The following TNNI3K variants were observed in gnomAD, a reference collection of about 807,000 sequenced individuals.
The protein encoded by TNNI3K is TNNI3 interacting kinase, also known as serine/threonine-protein kinase TNNI3K.
TNNI3K carries 140 observed loss-of-function variants against 114.5 expected under a neutral mutation model. The ratio of observed to expected loss-of-function variants is 1.22; its 90% confidence interval spans 1.07 to 1.41. The LOEUF is 1.41. Ranked by LOEUF, TNNI3K falls within the 40% of genes most tolerant of loss-of-function variation. The pLI is 0.00. For missense variants in TNNI3K, 1,125 were observed against 1,007.6 expected (o/e 1.12, Z -1.58); for synonymous variants, 347 against 347.5 (o/e 1.00, Z 0.02).
intron 5 of TNNI3K, among the ~76,000 whole-genome samples, chr1:74,293,976 A>T (rs960856282): frequency 3.3e-5 from 5 of 151,758 alleles, no homozygotes; most frequent in African/African-American, 1.2e-4. Context: ...TTATTTCATT[A>T]ATATGCTAAT....
At chr1:74,287,107 G>A (rs781544683) in intron 5 of TNNI3K, among the ~76,000 whole-genome samples, 1 of 150,830 alleles carries the variant, frequency 6.6e-6, no homozygotes, top group Admixed American at 6.6e-5. Context: ...GCAGAAGAGA[G>A]AATCAGCAAG....
chr1:74,389,848 A>G (rs2100565631), intron 17 of TNNI3K, among the ~76,000 whole-genome samples: 1 of 152,322 alleles, frequency 6.6e-6, no homozygotes. Context: ...AGAGAGTTCA[A>G]TTAGAAATAG....
chr1:74,527,361 T>C (rs769971352), intron 23 of TNNI3K, among the ~76,000 whole-genome samples: 53 of 152,200 alleles, frequency 3.5e-4, no homozygotes, highest in Non-Finnish European at 6.6e-4. Context: ...ATTCAATCAA[T>C]CATTTCTTTA....
At chr1:74,353,397 C>T (rs754787788) in intron 10 of TNNI3K, 37 bp downstream of exon 10, 7 of 1,604,348 alleles carry the variant, frequency 4.4e-6, no homozygotes, top group Non-Finnish European at 6.0e-6. Flanking sequence ...GTTCTATATG[C>T]TTATCAATGA....
intron 11 of TNNI3K, among the ~76,000 whole-genome samples, chr1:74,363,366 G>A (rs1029534760): frequency 1.3e-5 from 2 of 151,884 alleles, no homozygotes; most frequent in Non-Finnish European, 2.9e-5. Context: ...GAGCTGAGGG[G>A]GCCTCTTGGC....
intron 21 of TNNI3K, among the ~76,000 whole-genome samples, chr1:74,473,185 T>C (rs182697335): frequency 1.8e-3 from 273 of 152,256 alleles, no homozygotes; most frequent in Non-Finnish European, 2.2e-3. Flanking sequence ...TCATCTCTTT[T>C]AATATTCACA....
chr1:74,520,464 A>T (rs565679768), intron 23 of TNNI3K, among the ~76,000 whole-genome samples: 1 of 151,766 alleles, frequency 6.6e-6, no homozygotes, highest in Non-Finnish European at 1.5e-5. Context: ...CGACCTTCTC[A>T]TTTCTGAGGC....
intron 17 of TNNI3K, among the ~76,000 whole-genome samples, chr1:74,388,039 G>A (rs1373956754): frequency 6.6e-6 from 1 of 152,120 alleles, no homozygotes; most frequent in Non-Finnish European, 1.5e-5. Flanking sequence ...CAGCACTTTG[G>A]GAAGCTGAGG....
At chr1:74,465,561 T>C (rs1351045582) in intron 21 of TNNI3K, among the ~76,000 whole-genome samples, 1 of 152,146 alleles carries the variant, frequency 6.6e-6, no homozygotes, top group Admixed American at 6.5e-5. Context: ...GGCTCCTGCG[T>C]GGCCCGAGCC....
chr1:74,464,901 T>C (rs1459159036), intron 21 of TNNI3K: 2 of 1,296,826 alleles, frequency 1.5e-6, no homozygotes. Flanking sequence ...AGAATGTTTG[T>C]TGAGTAAATG....
Position 74,436,540 on chromosome 1 carries a change from TG to T in TNNI3K, c.1878+15del. 2 of 1,582,506 alleles carry T rather than the reference TG, an allele frequency of 1.3e-6. No individual in the cohort carries two copies. Among genetic ancestry groups the T allele is most frequent in the Non-Finnish European group, 1.7e-6 (2 of 1,171,346 alleles). On this transcript the variant is annotated intron_variant, in intron 19 of 24. Transcript: ENST00000326637. The stretch of plus-strand genomic sequence containing the variant: ...AAACAACCTGGGGTTTGCTGCTGCT[TG>T]TGTTTCCTATAATTATAAACCAATT...
intron 5 of TNNI3K, among the ~76,000 whole-genome samples, chr1:74,330,390 A>G (rs1373268603): frequency 6.6e-6 from 1 of 152,164 alleles, no homozygotes; most frequent in Non-Finnish European, 1.5e-5. Context: ...AGGAATCTAT[A>G]TAAGAAACTT....
At position 74,369,234 on chromosome 1, in the gene TNNI3K, G is replaced by T. The variant is rs200277259; in HGVS notation, c.1442G>T (p.Arg481Leu). 3.7e-6 allele frequency: 6 copies of T among 1,611,788 alleles called. No homozygotes were observed. Among genetic ancestry groups the T allele is most frequent in the Non-Finnish European group, 5.1e-6 (6 of 1,178,976 alleles). The change falls in exon 15 of 25, where the codon CGA becomes CTA. Residue 481 changes from arginine to leucine, a missense_variant. Coordinates refer to ENST00000326637, the MANE Select transcript of TNNI3K (RefSeq NM_015978.3). ...TCTTTTGGGAAAGTATATAAAGGAC[G>T]ATGCAGAAATAAAATAGTGGCTATA... ...SGSFGKVYKGRCRNKIVAIKR... is the reference protein window; with the variant it reads ...SGSFGKVYKGLCRNKIVAIKR...
intron 23 of TNNI3K, among the ~76,000 whole-genome samples, chr1:74,502,488 CGG>C (rs1350190356): frequency 5.3e-5 from 8 of 152,146 alleles, no homozygotes; most frequent in African/African-American, 1.9e-4. Flanking sequence ...TGGGCCTGTC[CGG>C]TAGTGTTTTC....
rs191600282 is a variant in TNNI3K, at chr1:74,389,939, G to C, written c.1772+19547G>C. Among the ~76,000 whole-genome samples the C allele has an allele frequency of 5.9e-4, 90 of 152,078 alleles. No homozygotes were observed. In the East Asian group the frequency reaches 0.017, roughly 28 times the overall value. On this transcript the variant is annotated intron_variant, in intron 17 of 24. Coordinates refer to ENST00000326637, the MANE Select transcript of TNNI3K (RefSeq NM_015978.3). ...GGTAATCATGGAGATAAGAGAAAAG[G>C]GACAATTTTAGATAGTACAAGATGT... is the stretch of plus-strand genomic sequence containing the variant.
intron 20 of TNNI3K, among the ~76,000 whole-genome samples, chr1:74,449,312 C>T (rs1045046464): frequency 5.4e-4 from 81 of 150,392 alleles, no homozygotes; most frequent in Middle Eastern, 6.9e-3. Flanking sequence ...TGGTGATATC[C>T]CCTTTATCAT....
rs1570617804 is a variant in TNNI3K at position 74,436,652 on chromosome 1, G to A, written c.1878+126G>A. The stretch of plus-strand genomic sequence containing the variant: ...GTCATTGTCTCAGTGTTGGGATAAT[G>A]GCTTATGTCTTTATTTTTAGTAAGC... On this transcript the variant is annotated intron_variant, in intron 19 of 24. Coordinates refer to ENST00000326637, the MANE Select transcript of TNNI3K (RefSeq NM_015978.3). 3.2e-6 allele frequency: 3 copies of A among 927,280 alleles called. No individual in the cohort carries two copies. In the East Asian group the frequency reaches 9.4e-5, roughly 29 times the overall value. 57.4% of individuals were successfully genotyped at this position (927,280 alleles called of 1,614,324 possible).
chr1:74,493,285 A>T (rs982181607), intron 23 of TNNI3K, among the ~76,000 whole-genome samples: 2 of 152,234 alleles, frequency 1.3e-5, no homozygotes, highest in African/African-American at 2.4e-5. Context: ...TGGAATTAAA[A>T]TGGTGGTTGT....
At chr1:74,285,521 AC>A (rs765540950) in intron 5 of TNNI3K, among the ~76,000 whole-genome samples, 6 of 18,434 alleles carry the variant, frequency 3.3e-4, no homozygotes, top group Non-Finnish European at 5.1e-4. Context: ...GCTCTGAACA[AC>A]CACAATGTTT....
Sources: gnomAD v4.1 joint callset for allele counts (sites outside exome capture counted in the v4.1 genomes callset) on GRCh38, gnomAD v4.1.1 for gene constraint, MANE v1.5 for transcripts, NCBI Gene and HGNC (gene_info 2026-07-23, HGNC 2026-07-21) for gene names.